The following GALNT16 variants were observed in gnomAD, a reference collection of about 807,000 sequenced individuals.
GALNT16 encodes the protein UDP-GalNAc:polypeptide N-acetylgalactosaminyltransferase-like protein 1.
Under a neutral mutation model 76.1 loss-of-function variants are expected in GALNT16, and 40 were observed. The ratio of observed to expected loss-of-function variants is 0.53; its 90% CI spans 0.41 to 0.68. The LOEUF is 0.68. Ranked by LOEUF, GALNT16 falls within the 30% of genes least tolerant of loss-of-function variation. GALNT16 has a pLI of 0.00. For synonymous variants in GALNT16, 276 were observed against 285.2 expected (o/e 0.97, Z 0.32); for missense variants, 621 against 731.9 (o/e 0.85, Z 1.75).
chr14:69,348,312 G>A (rs2045593140), intron 14 of GALNT16: 1 of 549,326 alleles, frequency 1.8e-6, no homozygotes, highest in Non-Finnish European at 3.2e-6. Flanking sequence ...ATAAGTGTTA[G>A]CTTTTACTGA....
chr14:69,374,916 A>T, the GALNT16 span, among the ~76,000 whole-genome samples: 1 of 152,020 alleles, frequency 6.6e-6, no homozygotes, highest in African/African-American at 2.4e-5. Flanking sequence ...TGACAAGACC[A>T]CTCATGATAA....
At chr14:69,312,269 A>G (rs1351566730) in intron 1 of GALNT16, among the ~76,000 whole-genome samples, 2 of 152,222 alleles carry the variant, frequency 1.3e-5, no homozygotes, top group East Asian at 3.9e-4. Flanking sequence ...ATTTTTTTTA[A>G]ATTAACTGTG....
chr14:69,369,360 A>C, the GALNT16 span, among the ~76,000 whole-genome samples: 1 of 152,248 alleles, frequency 6.6e-6, no homozygotes, highest in African/African-American at 2.4e-5. Context: ...AGAGACAAAG[A>C]TAAAAGCAAG....
chr14:69,380,701 C>A, the GALNT16 span: 1 of 938,534 alleles, frequency 1.1e-6, no homozygotes, highest in Non-Finnish European at 1.7e-6. Context: ...GTGTTTAAAT[C>A]CCCAAATTAT....
At chr14:69,348,237 GA>G in intron 14 of GALNT16, 1 of 597,048 alleles carries the variant, frequency 1.7e-6, no homozygotes, top group Admixed American at 3.0e-5. Context: ...TGAGCTCCAT[GA>G]AGGCAGGGAC....
At chr14:69,317,790 G>T (rs112186765) in intron 1 of GALNT16, among the ~76,000 whole-genome samples, 1 of 152,192 alleles carries the variant, frequency 6.6e-6, no homozygotes, top group East Asian at 1.9e-4. Context: ...AGGGGCACCC[G>T]TGGGACATTC....
In GALNT16 at chr14:69,261,296, G is replaced by A. The variant is rs1016031163; in HGVS notation, c.177+829G>A. On this transcript the variant is annotated intron_variant, in intron 1 of 14. Coordinates refer to ENST00000448469, the MANE Select transcript of GALNT16 (RefSeq NM_001168368.2). This position sits in a 1 kb window ranked among gnomAD's most constrained non-coding sequence, Gnocchi z 6.4. ...GCGGAGCCGCAGCCGCCCTGCAGGG[G>A]GCGATCCTGTCGCCGTCTCCGTCCG... is the stretch of plus-strand genomic sequence containing the variant. Among the ~76,000 whole-genome samples, 1 of 152,160 alleles carries A rather than the reference G, an allele frequency of 6.6e-6. No homozygotes were observed. The highest frequency in any genetic ancestry group is 2.4e-5 in the African/African-American group (1 of 41,450).
chr14:69,309,434 C>T (rs2044984010), intron 1 of GALNT16, among the ~76,000 whole-genome samples: 1 of 151,982 alleles, frequency 6.6e-6, no homozygotes, highest in African/African-American at 2.4e-5. Flanking sequence ...TCCTGAGTAG[C>T]TGGGACTACA....
chr14:69,312,479 CCT>C (rs1310405748), intron 1 of GALNT16, among the ~76,000 whole-genome samples: 1 of 152,080 alleles, frequency 6.6e-6, no homozygotes, highest in African/African-American at 2.4e-5. Context: ...ATGTCCTTTT[CCT>C]CAGCCATAGA....
chr14:69,314,086 A>G (rs372725109), intron 1 of GALNT16, among the ~76,000 whole-genome samples: 2 of 152,234 alleles, frequency 1.3e-5, no homozygotes, highest in Admixed American at 1.3e-4. Context: ...GGTCTTGGGT[A>G]TGGCCTGGAC....
intron 1 of GALNT16, 68 bp downstream of exon 1, chr14:69,260,535 G>A (rs1456792995): frequency 8.7e-7 from 1 of 1,149,054 alleles, no homozygotes; most frequent in Non-Finnish European, 1.1e-6. Context: ...CCTGCGCGGC[G>A]GCCGAGGGCG....
intron 1 of GALNT16, among the ~76,000 whole-genome samples, chr14:69,267,977 C>A (rs2044361407): frequency 6.6e-6 from 1 of 152,148 alleles, no homozygotes; most frequent in Admixed American, 6.5e-5. Flanking sequence ...GAGACCTCGA[C>A]CACATGTATT....
intron 3 of GALNT16, 44 bp from the exon 4 acceptor site, chr14:69,325,293 G>A (rs773984045): frequency 1.6e-6 from 2 of 1,253,776 alleles, no homozygotes; most frequent in Non-Finnish European, 2.4e-6. Flanking sequence ...ATGGGAGGTG[G>A]TTCCTAAATC....
At chr14:69,313,775 T>C (rs1018649857) in intron 1 of GALNT16, among the ~76,000 whole-genome samples, 22 of 152,250 alleles carry the variant, frequency 1.4e-4, no homozygotes, top group Non-Finnish European at 3.1e-4. Context: ...TGCAAGGTAG[T>C]GGATTTCCAT....
At chr14:69,358,585 G>C (rs1403035538), downstream of GALNT16, 1 of 152,922 alleles carries the variant, frequency 6.5e-6, no homozygotes, top group Non-Finnish European at 1.5e-5. Context: ...CATCAGGTGG[G>C]GGCTTGGGAC....
chr14:69,350,500 G>C (rs1332725821), intron 14 of GALNT16: 1 of 152,250 alleles, frequency 6.6e-6, no homozygotes, highest in Admixed American at 6.5e-5. Context: ...AGAAACAGGA[G>C]GGGGGATCCA....
chr14:69,323,434 G>A (rs902448234), intron 2 of GALNT16, among the ~76,000 whole-genome samples: 2 of 152,192 alleles, frequency 1.3e-5, no homozygotes, highest in African/African-American at 4.8e-5. Context: ...CCCCCTTCAG[G>A]GAGACGTCAC....
chr14:69,329,581 C>T (rs1232011252), intron 6 of GALNT16, among the ~76,000 whole-genome samples: 1 of 152,140 alleles, frequency 6.6e-6, no homozygotes, highest in Non-Finnish European at 1.5e-5. Context: ...CTGTATCAGG[C>T]CATTCTTGCA....
In GALNT16 at chr14:69,265,487, G is replaced by A. The variant is rs543865351; in HGVS notation, c.177+5020G>A. Among the ~76,000 whole-genome samples, 6 of 152,336 alleles carry A rather than the reference G, an allele frequency of 3.9e-5. 1 individual carries two copies. The South Asian group carries it at 1.2e-3, about 32-fold the overall frequency. On this transcript the variant is annotated intron_variant, in intron 1 of 14. Coordinates refer to ENST00000448469, the MANE Select transcript of GALNT16 (RefSeq NM_001168368.2). Reference sequence around the variant, plus strand: ...TTAAGGTAGAGGTAGGAGGACACTGGTAGACCAGGGCCAGGCTGAGTTGCC... The same window carrying A: ...TTAAGGTAGAGGTAGGAGGACACTGATAGACCAGGGCCAGGCTGAGTTGCC...
Sources: gnomAD v4.1 joint callset for allele counts (sites outside exome capture counted in the v4.1 genomes callset) on GRCh38, gnomAD v4.1.1 for gene constraint, Gnocchi (gnomAD v3.1) non-coding constraint, MANE v1.5 for transcripts, NCBI Gene and HGNC (gene_info 2026-07-23, HGNC 2026-07-21) for gene names.